The following C1QC variants were observed in gnomAD, a reference collection of about 807,000 sequenced individuals.
C1QC encodes complement C1q subcomponent subunit C.
C1QC carries 4 observed loss-of-function variants against 5.9 expected under a neutral mutation model. The ratio of observed to expected loss-of-function variants is 0.68; its 90% CI spans 0.33 to 1.55. The LOEUF (loss-of-function observed/expected upper bound fraction) is 1.55. Among genes scored for constraint, C1QC ranks in the 40% most tolerant of loss-of-function variants. C1QC has a pLI of 0.06. For missense variants in C1QC, 299 were observed against 326.9 expected (o/e 0.91, Z 0.66); for synonymous variants, 166 against 153.8 (o/e 1.08, Z -0.59).
intron 2 of C1QC, among the ~76,000 whole-genome samples, chr1:22,644,587 G>A (rs567900354): frequency 6.6e-6 from 1 of 152,290 alleles, no homozygotes; most frequent in Admixed American, 6.5e-5. Context: ...TCCAATGCAC[G>A]ACTGCCAGGG....
rs760400777 is a variant in C1QC, at chr1:22,647,759, C to G, written c.714C>G (p.Ser238=). The G allele has an allele frequency of 1.3e-6, 2 of 1,599,960 alleles. No individual in the cohort carries two copies. Among genetic ancestry groups the G allele is most frequent in the Non-Finnish European group, 8.5e-7 (1 of 1,179,948 alleles). ...TCCAGGGCTCTGACAGCGTCTTCTC[C>G]GGCTTCCTGCTCTTCCCCGACTAGG... is the stretch of plus-strand genomic sequence containing the variant. ...VGIQGSDSVF[S]GFLLFPD The change falls in exon 3 of 3, where the codon TCC becomes TCG. Residue 238 remains serine (S), a synonymous_variant. Transcript: ENST00000374640.
At position 22,647,604 on chromosome 1, in the gene C1QC, G is replaced by A. The variant is rs45487196; in HGVS notation, c.559G>A (p.Val187Ile). 1,436 of 1,614,194 alleles carry A rather than the reference G, an allele frequency of 8.9e-4. 17 individuals are homozygous for A. In the East Asian group the frequency reaches 0.025, roughly 28 times the overall value. ...NLCVLLYRSGVKVVTFCGHTS... is the reference protein window; with the variant it reads ...NLCVLLYRSGIKVVTFCGHTS... ...GTGCGTGCTGCTGTACCGCAGCGGCGTCAAAGTGGTCACCTTCTGTGGCCA... is the reference window on the plus strand; with the variant it reads ...GTGCGTGCTGCTGTACCGCAGCGGCATCAAAGTGGTCACCTTCTGTGGCCA... Residue 187 changes from valine to isoleucine, a missense_variant, in exon 3 of 3, where the codon GTC becomes ATC. Coordinates refer to ENST00000374640, the MANE Select transcript of C1QC (RefSeq NM_172369.5).
chr1:22,644,552 A>C (rs1642338451), intron 2 of C1QC, among the ~76,000 whole-genome samples: 1 of 152,174 alleles, frequency 6.6e-6, no homozygotes, highest in Admixed American at 6.5e-5. Flanking sequence ...CACCTGGGGA[A>C]GCTGGGGCCC....
At chr1:22,645,561 G>A (rs1642354475) in intron 2 of C1QC, among the ~76,000 whole-genome samples, 1 of 152,116 alleles carries the variant, frequency 6.6e-6, no homozygotes, top group African/African-American at 2.4e-5. Context: ...CTGTTTCCTG[G>A]CCCCCTCTCA....
rs1557606834 is a variant in C1QC, at chr1:22,647,774, C to A, written c.729C>A (p.Phe243Leu). The A allele has an allele frequency of 6.3e-7, 1 of 1,599,826 alleles. No individual in the cohort carries two copies. Among genetic ancestry groups the A allele is most frequent in the Admixed American group, 1.7e-5 (1 of 60,024 alleles). ...SDSVFSGFLL[F>L]PD ...GCGTCTTCTCCGGCTTCCTGCTCTT[C>A]CCCGACTAGGGCGGGCAGATGCGCT... The change falls in exon 3 of 3, where the codon TTC (phenylalanine) becomes TTA (leucine). Residue 243 changes from phenylalanine (F) to leucine (L), a missense_variant. Around this residue, in one of 3 missense-constraint regions of C1QC, gnomAD observed 144 missense variants for 155.1 expected, o/e 0.93. Transcript: ENST00000374640.
At chr1:22,644,287 G>A (rs188394725) in intron 2 of C1QC, 83 bp downstream of exon 2, 1 of 1,445,606 alleles carries the variant, frequency 6.9e-7, no homozygotes. Flanking sequence ...GGGGGCGGGG[G>A]ACAGCAGGAA....
chr1:22,645,562 C>A (rs1350511392), intron 2 of C1QC, among the ~76,000 whole-genome samples: 1 of 152,168 alleles, frequency 6.6e-6, no homozygotes, highest in African/African-American at 2.4e-5. Flanking sequence ...TGTTTCCTGG[C>A]CCCCTCTCAA....
At chr1:22,646,488 T>C (rs996653084) in intron 2 of C1QC, among the ~76,000 whole-genome samples, 1 of 152,222 alleles carries the variant, frequency 6.6e-6, no homozygotes, top group Admixed American at 6.5e-5. Flanking sequence ...ACAGTGTATA[T>C]AAAACTGGTG....
At chr1:22,646,293 C>T (rs913584194) in intron 2 of C1QC, among the ~76,000 whole-genome samples, 8 of 152,150 alleles carry the variant, frequency 5.3e-5, no homozygotes, top group Admixed American at 5.2e-4. Flanking sequence ...CCAGTGGTTC[C>T]CATGTGCTAA....
intron 2 of C1QC, among the ~76,000 whole-genome samples, chr1:22,644,533 C>A (rs972433098): frequency 1.1e-4 from 17 of 152,186 alleles, no homozygotes; most frequent in Admixed American, 3.3e-4. Context: ...TCTTGCCCTG[C>A]AACATGGGCA....
chr1:22,647,532 C>G lies in C1QC; in HGVS notation c.487C>G (p.Pro163Ala). The G allele has an allele frequency of 6.2e-7, 1 of 1,614,258 alleles. No homozygotes were observed. The highest frequency in any genetic ancestry group is 8.5e-7 in the Non-Finnish European group (1 of 1,180,056). ...TSTGKFTCKVPGLYYFVYHAS... is the reference protein window; with the variant it reads ...TSTGKFTCKVAGLYYFVYHAS... ...CACTGGCAAGTTCACCTGCAAAGTC[C>G]CCGGCCTCTACTACTTTGTCTACCA... Residue 163 changes from proline (P) to alanine (A), a missense_variant, in exon 3 of 3, where the codon CCC becomes GCC. Pro to Ala is a conservative substitution (Grantham distance 27). This residue lies in a region of C1QC where 144 missense variants were observed against 155.1 expected (regional missense o/e 0.93). Transcript: ENST00000374640.
chr1:22,647,115 A>T (rs551899515), intron 2 of C1QC, 112 bp from the exon 3 acceptor site: 1 of 1,259,474 alleles, frequency 7.9e-7, no homozygotes, highest in African/African-American at 1.5e-5. Flanking sequence ...CATCTATGAG[A>T]AGGAGATTCT....
chr1:22,647,332 C>G lies in C1QC; in HGVS notation c.287C>G (p.Pro96Arg), dbSNP rs1033462692. 2 of 1,613,980 alleles carry G rather than the reference C, an allele frequency of 1.2e-6. No homozygotes were observed. Among genetic ancestry groups the G allele is most frequent in the South Asian group, 1.1e-5 (1 of 91,080 alleles). The part of the protein sequence containing the change: ...KNGPMGPPGM[P>R]GVPGPMGIPG... ...GGCCCCATGGGACCCCCTGGGATGC[C>G]AGGGGTGCCCGGCCCCATGGGCATC... is the stretch of plus-strand genomic sequence containing the variant. Residue 96 changes from proline to arginine, a missense_variant, in exon 3 of 3, where the codon CCA becomes CGA. This residue lies in a region of C1QC where 146 missense variants were observed against 144.1 expected (regional missense o/e 1.01). Transcript: ENST00000374640.
rs1642324316 is a variant in C1QC at position 22,644,099 on chromosome 1, G to T, written c.76G>T (p.Gly26Cys). 1.9e-6 allele frequency: 3 copies of T among 1,580,280 alleles called. No individual in the cohort carries two copies. The highest frequency in any genetic ancestry group is 2.7e-5 in the African/African-American group (2 of 74,768). Residue 26 changes from glycine to cysteine, a missense_variant, in exon 2 of 3, where the codon GGC becomes TGC. Physicochemically the swap from Gly to Cys is radical, Grantham distance 159 (BLOSUM62 -3). Transcript: ENST00000374640. ...LLLLLLLPLR[G>C]QANTGCYGIP... ...GCTCCTGCTGCTGCTGCCCCTCAGG[G>T]GCCAAGCCAACACAGGCTGCTACGG...
chr1:22,644,186 G>T lies in C1QC; in HGVS notation c.163G>T (p.Gly55Trp). The T allele has an allele frequency of 6.3e-7, 1 of 1,580,192 alleles. No individual in the cohort carries two copies. Among genetic ancestry groups the T allele is most frequent in the Non-Finnish European group, 8.6e-7 (1 of 1,163,694 alleles). ...GAAGGATGGGTACGACGGACTGCCG[G>T]GGCCCAAGGGGGAGCCAGGTGAGTC... Reference protein sequence around the residue: ...PGKDGYDGLPGPKGEPGIPAI... With the variant: ...PGKDGYDGLPWPKGEPGIPAI... The change falls in exon 2 of 3, where the codon GGG becomes TGG. Residue 55 changes from glycine (G) to tryptophan (W), a missense_variant. Around this residue, in one of 3 missense-constraint regions of C1QC, gnomAD observed 146 missense variants for 144.1 expected, o/e 1.01. Coordinates refer to ENST00000374640, the MANE Select transcript of C1QC (RefSeq NM_172369.5).
chr1:22,645,186 A>G (rs652826), intron 2 of C1QC, among the ~76,000 whole-genome samples: 11,823 of 152,074 alleles, frequency 0.078, 1,198 homozygotes, highest in African/African-American at 0.22. Flanking sequence ...CCAACATTCC[A>G]GAAGGAATTC....
chr1:22,647,206 C>G lies in C1QC; in HGVS notation c.182-21C>G, dbSNP rs36049190. 100,907 of 1,600,534 alleles carry G rather than the reference C, an allele frequency of 0.063. 3,577 individuals are homozygous for G. The highest frequency in any genetic ancestry group is 0.072 in the Non-Finnish European group (85,054 of 1,179,556). On this transcript the variant is annotated intron_variant, in intron 2 of 2. Transcript: ENST00000374640. ...CCTGTCCCCCACCCTATCACTTTCTCTCTGCCTTCTCCATCTCCAGGAATC... is the reference window on the plus strand; with the variant it reads ...CCTGTCCCCCACCCTATCACTTTCTGTCTGCCTTCTCCATCTCCAGGAATC...
chr1:22,643,699 A>C lies in C1QC; in HGVS notation c.-29A>C. On this transcript the variant is annotated 5_prime_UTR_variant, in exon 1 of 3. Coordinates refer to ENST00000374640, the MANE Select transcript of C1QC (RefSeq NM_172369.5). ...GAGGACATCTCTGTGCCAGGCCAGAAACCGCCCACCTGCAGGTGAGGCCCG... is the reference window on the plus strand; with the variant it reads ...GAGGACATCTCTGTGCCAGGCCAGACACCGCCCACCTGCAGGTGAGGCCCG... 8.5e-7 allele frequency: 1 copy of C among 1,171,202 alleles called. No individual in the cohort carries two copies. The highest frequency in any genetic ancestry group is 1.1e-6 in the Non-Finnish European group (1 of 947,458). 72.6% of individuals were successfully genotyped at this position (1,171,202 alleles called of 1,614,324 possible).
In C1QC at chr1:22,647,340, C is replaced by T. The variant is rs1247974396; in HGVS notation, c.295C>T (p.Pro99Ser). 1.2e-6 allele frequency: 2 copies of T among 1,613,938 alleles called. No individual in the cohort carries two copies. Among genetic ancestry groups the T allele is most frequent in the Non-Finnish European group, 8.5e-7 (1 of 1,179,970 alleles). ...PMGPPGMPGV[P>S]GPMGIPGEPG... Reference sequence around the variant, plus strand: ...GGGACCCCCTGGGATGCCAGGGGTGCCCGGCCCCATGGGCATCCCTGGAGA... The same window carrying T: ...GGGACCCCCTGGGATGCCAGGGGTGTCCGGCCCCATGGGCATCCCTGGAGA... Residue 99 changes from proline (P) to serine (S), a missense_variant, in exon 3 of 3, where the codon CCC (proline) becomes TCC (serine). By Grantham distance (74) the Pro-to-Ser change is moderately conservative (BLOSUM62 -1). Transcript: ENST00000374640.
Sources: gnomAD v4.1 joint callset for allele counts (sites outside exome capture counted in the v4.1 genomes callset) on GRCh38, gnomAD v4.1.1 for gene constraint, gnomAD v4.1.1 regional missense constraint, MANE v1.5 for transcripts, NCBI Gene and HGNC (gene_info 2026-07-23, HGNC 2026-07-21) for gene names.